The following SPMIP2 variants were observed in gnomAD, a reference collection of about 807,000 sequenced individuals.
SPMIP2 encodes protein SPMIP2.
the SPMIP2 span, chr4:158,905,026 TCA>T: frequency 1.3e-5 from 2 of 153,296 alleles, no homozygotes; most frequent in Non-Finnish European, 2.9e-5. Flanking sequence ...GGATTCCAGG[TCA>T]CAGTTTGCTT....
At chr4:159,051,147 A>C in the SPMIP2 span, among the ~76,000 whole-genome samples, 3 of 152,226 alleles carry the variant, frequency 2.0e-5, no homozygotes, top group Non-Finnish European at 4.4e-5. Context: ...GTTTCCAAAA[A>C]AGTGCTATTC....
the SPMIP2 span, among the ~76,000 whole-genome samples, chr4:159,058,293 G>C: frequency 6.6e-6 from 1 of 151,730 alleles, no homozygotes; most frequent in African/African-American, 2.4e-5. Context: ...AGGGTGAAAG[G>C]GGACAGGAAA....
At chr4:158,972,041 C>G in the SPMIP2 span, among the ~76,000 whole-genome samples, 1 of 152,194 alleles carries the variant, frequency 6.6e-6, no homozygotes. Context: ...CATCCACCCT[C>G]CTGGACTGCC....
chr4:158,974,665 T>C, the SPMIP2 span, among the ~76,000 whole-genome samples: 3 of 152,224 alleles, frequency 2.0e-5, no homozygotes, highest in African/African-American at 7.2e-5. Flanking sequence ...GCATAGTTAT[T>C]GCATGGTATA....
the SPMIP2 span, among the ~76,000 whole-genome samples, chr4:158,997,853 T>G: frequency 1.4e-4 from 22 of 152,096 alleles, no homozygotes; most frequent in African/African-American, 5.3e-4. Context: ...ATGAGGGTCT[T>G]ACTATGTTGC....
chr4:158,971,323 G>A, the SPMIP2 span, among the ~76,000 whole-genome samples: 2 of 152,088 alleles, frequency 1.3e-5, no homozygotes, highest in African/African-American at 4.8e-5. Context: ...TGGTTAGTTT[G>A]ATATTTGATC....
the SPMIP2 span, among the ~76,000 whole-genome samples, chr4:158,952,869 A>C: frequency 1.3e-5 from 2 of 152,136 alleles, no homozygotes; most frequent in Non-Finnish European, 2.9e-5. Context: ...CCTGCCCTAG[A>C]GATTTGTGGA....
the SPMIP2 span, among the ~76,000 whole-genome samples, chr4:159,057,245 G>A: frequency 6.6e-6 from 1 of 152,230 alleles, no homozygotes; most frequent in African/African-American, 2.4e-5. Flanking sequence ...GGGACAGTTA[G>A]CAGGCAAGGA....
At chr4:158,966,307 G>A in the SPMIP2 span, among the ~76,000 whole-genome samples, 1 of 152,158 alleles carries the variant, frequency 6.6e-6, no homozygotes, top group Non-Finnish European at 1.5e-5. Context: ...TGGGAGTGTT[G>A]TATATGAATA....
At chr4:159,037,803 C>A in the SPMIP2 span, among the ~76,000 whole-genome samples, 25 of 133,356 alleles carry the variant, frequency 1.9e-4, no homozygotes, top group South Asian at 6.3e-3. Flanking sequence ...CACACACACA[C>A]ACACACACAC....
At chr4:159,026,304 A>G in the SPMIP2 span, 1 of 594,960 alleles carries the variant, frequency 1.7e-6, no homozygotes, top group Non-Finnish European at 3.2e-6. Context: ...CTTAGAAAAC[A>G]GCACAGTTTT....
At chr4:159,066,948 A>C in the SPMIP2 span, among the ~76,000 whole-genome samples, 1 of 152,178 alleles carries the variant, frequency 6.6e-6, no homozygotes, top group African/African-American at 2.4e-5. Context: ...AACTTTTATA[A>C]AAGCAGGTGG....
the SPMIP2 span, among the ~76,000 whole-genome samples, chr4:158,934,895 C>G: frequency 6.6e-6 from 1 of 152,164 alleles, no homozygotes; most frequent in African/African-American, 2.4e-5. Flanking sequence ...CGTAACTTGT[C>G]TCCCTCGGTC....
chr4:158,976,935 C>G, the SPMIP2 span, among the ~76,000 whole-genome samples: 2 of 152,126 alleles, frequency 1.3e-5, no homozygotes, highest in African/African-American at 4.8e-5. Flanking sequence ...GCTGGGATTA[C>G]AGGCATGAGC....
chr4:159,011,894 T>C, the SPMIP2 span, among the ~76,000 whole-genome samples: 2 of 151,590 alleles, frequency 1.3e-5, no homozygotes, highest in Admixed American at 1.3e-4. Context: ...ACCCCGTCTC[T>C]ACTAAAAAAA....
At chr4:159,062,618 T>C in the SPMIP2 span, among the ~76,000 whole-genome samples, 1 of 152,158 alleles carries the variant, frequency 6.6e-6, no homozygotes, top group African/African-American at 2.4e-5. Context: ...CTTGAAAGCT[T>C]CTTGTGATTT....
chr4:159,041,796 TG>T, the SPMIP2 span, among the ~76,000 whole-genome samples: 9 of 152,260 alleles, frequency 5.9e-5, no homozygotes, highest in African/African-American at 2.2e-4. Flanking sequence ...ACTTACTATG[TG>T]CCAGACACTG....
chr4:159,055,431 A>G, the SPMIP2 span, among the ~76,000 whole-genome samples: 1 of 152,222 alleles, frequency 6.6e-6, no homozygotes, highest in Non-Finnish European at 1.5e-5. Context: ...GGCCGGGTGC[A>G]GTGGCTCACC....
At chr4:158,926,730 C>G in the SPMIP2 span, among the ~76,000 whole-genome samples, 1 of 152,086 alleles carries the variant, frequency 6.6e-6, no homozygotes, top group African/African-American at 2.4e-5. Context: ...GATTTTCTGC[C>G]TAGTTGTTCT....
Sources: gnomAD v4.1 joint callset for allele counts (sites outside exome capture counted in the v4.1 genomes callset) on GRCh38, gnomAD v4.1.1 for gene constraint, MANE v1.5 for transcripts, NCBI Gene and HGNC (gene_info 2026-07-23, HGNC 2026-07-21) for gene names.